Variants in TJP1 observed in about 807,000 individuals in gnomAD.
TJP1 encodes the protein tight junction protein ZO-1.
A neutral mutation model predicts 194.2 loss-of-function variants in TJP1; 43 were observed. The ratio of observed to expected loss-of-function variants is 0.22; its 90% CI spans 0.17 to 0.29. The LOEUF (loss-of-function observed/expected upper bound fraction) is 0.29. Ranked by LOEUF, TJP1 falls within the 10% of genes least tolerant of loss-of-function variation. The pLI is 1.00. For synonymous variants in TJP1, 801 were observed against 779.0 expected (o/e 1.03, Z -0.47); for missense variants, 1,971 against 2,185.7 (o/e 0.90, Z 1.96).
chr15:29,710,086 C>T (rs2042144189), intron 24 of TJP1, among the ~76,000 whole-genome samples: 1 of 151,726 alleles, frequency 6.6e-6, no homozygotes, highest in Admixed American at 6.6e-5. Flanking sequence ...GCAGAGGTTG[C>T]AGTGAGCTGA....
chr15:29,794,168 A>G (rs2048265309), intron 2 of TJP1, among the ~76,000 whole-genome samples: 1 of 152,050 alleles, frequency 6.6e-6, no homozygotes, highest in Non-Finnish European at 1.5e-5. Flanking sequence ...TTTTAATTCA[A>G]AAAACCAAAA....
intron 8 of TJP1, among the ~76,000 whole-genome samples, chr15:29,750,775 C>T (rs954014296): frequency 2.6e-5 from 4 of 152,222 alleles, no homozygotes; most frequent in African/African-American, 9.6e-5. Flanking sequence ...ACTACAAAAA[C>T]GGATTTATAC....
chr15:29,709,939 A>G (rs2042133164), intron 24 of TJP1, among the ~76,000 whole-genome samples: 1 of 152,168 alleles, frequency 6.6e-6, no homozygotes, highest in African/African-American at 2.4e-5. Context: ...TGAGGTCAGG[A>G]GTTCGTGACC....
rs757088973 is a variant in TJP1 at position 29,733,203 on chromosome 15, A to G, written c.1627T>C (p.Phe543Leu). Residue 543 changes from phenylalanine (F) to leucine (L), a missense_variant, in exon 13 of 28, where the codon TTC (phenylalanine) becomes CTC (leucine). Physicochemically the swap from Phe to Leu is conservative, Grantham distance 22. This residue lies in a region of TJP1 where 402 missense variants were observed against 484.2 expected (regional missense o/e 0.83). Transcript: ENST00000614355. ...TTGTACAAGGTATCCACAACACGGA[A>G]CACCTCTCCTTTGTTAAAACTAAGT... ...YGLSFNKGEV[F>L]RVVDTLYNGK... The G allele has an allele frequency of 1.2e-6, 2 of 1,614,018 alleles. No individual in the cohort carries two copies.
intron 8 of TJP1, among the ~76,000 whole-genome samples, chr15:29,744,872 T>C (rs1330640737): frequency 6.6e-6 from 1 of 152,102 alleles, no homozygotes; most frequent in Non-Finnish European, 1.5e-5. Flanking sequence ...GAAAATAATA[T>C]ATTTTTCATT....
At chr15:29,725,984 G>A (rs558496456) in intron 18 of TJP1, among the ~76,000 whole-genome samples, 15 of 152,296 alleles carry the variant, frequency 9.8e-5, no homozygotes, top group African/African-American at 3.6e-4. Flanking sequence ...CCTGAATTGA[G>A]CATGCTGAGG....
intron 1 of TJP1, among the ~76,000 whole-genome samples, chr15:29,810,745 TGAG>T (rs1364393958): frequency 6.6e-6 from 1 of 152,092 alleles, no homozygotes; most frequent in African/African-American, 2.4e-5. Context: ...GCAAAGTCCT[TGAG>T]GAGAAGAGAC....
chr15:29,800,817 T>A, intron 1 of TJP1, 115 bp from the exon 2 acceptor site: 1 of 973,994 alleles, frequency 1.0e-6, no homozygotes, highest in Non-Finnish European at 1.5e-6. Flanking sequence ...ACAGTTAATA[T>A]TAGAGACACT....
rs1046354192 is a variant in TJP1, at chr15:29,903,690, C to T, written c.306+52542G>A. ...CAATCTCCCGACCTTGTGATCCGCC[C>T]GCCTCGGCCTCCCAAAGTGCTGGGA... is the stretch of plus-strand genomic sequence containing the variant. On this transcript the variant is annotated intron_variant, in intron 2 of 28. Coordinates refer to the TJP1 transcript ENST00000356107. Among the ~76,000 whole-genome samples the T allele has an allele frequency of 7.2e-5, 11 of 152,234 alleles. 1 individual carries two copies. The South Asian group carries it at 1.2e-3, about 17-fold the overall frequency.
intron 1 of TJP1, chr15:29,820,666 C>T: frequency 1.5e-6 from 1 of 654,896 alleles, no homozygotes; most frequent in Non-Finnish European, 2.8e-6. Context: ...GGAAACAAAG[C>T]CTTTCCTCCT....
intron 2 of TJP1, among the ~76,000 whole-genome samples, chr15:29,884,166 T>C (rs1395643455): frequency 6.6e-6 from 1 of 152,186 alleles, no homozygotes; most frequent in Non-Finnish European, 1.5e-5. Context: ...GAACTCACAA[T>C]AGAAAAAATA....
intron 23 of TJP1, among the ~76,000 whole-genome samples, chr15:29,713,481 T>C (rs1432444843): frequency 1.3e-5 from 2 of 152,248 alleles, no homozygotes; most frequent in African/African-American, 4.8e-5. Context: ...ATTCTCACCA[T>C]TTCTGAGGTG....
chr15:29,934,285 T>C (rs1020849949), intron 2 of TJP1, among the ~76,000 whole-genome samples: 1 of 152,246 alleles, frequency 6.6e-6, no homozygotes, highest in Admixed American at 6.5e-5. Flanking sequence ...CTACCTGTAC[T>C]GAATGTTTCT....
At chr15:29,937,622 A>G (rs1400036601) in intron 2 of TJP1, among the ~76,000 whole-genome samples, 2 of 152,208 alleles carry the variant, frequency 1.3e-5, no homozygotes, top group Non-Finnish European at 2.9e-5. Flanking sequence ...CAAGTATCCA[A>G]CCTAAAGCAG....
intron 2 of TJP1, among the ~76,000 whole-genome samples, chr15:29,949,513 C>T (rs2055496206): frequency 5.6e-5 from 8 of 143,336 alleles, no homozygotes; most frequent in East Asian, 2.2e-4. Context: ...CCACCACCTC[C>T]ACCTCCACCA....
chr15:29,788,726 T>C (rs2047871229), intron 2 of TJP1, among the ~76,000 whole-genome samples: 1 of 152,242 alleles, frequency 6.6e-6, no homozygotes, highest in Non-Finnish European at 1.5e-5. Flanking sequence ...TTTAATCTTT[T>C]ACATAATTCT....
intron 1 of TJP1, among the ~76,000 whole-genome samples, chr15:29,807,921 T>C (rs2049219327): frequency 6.6e-6 from 1 of 152,178 alleles, no homozygotes; most frequent in Non-Finnish European, 1.5e-5. Context: ...AACACATGAA[T>C]TTCATAATCC....
Position 29,701,673 on chromosome 15 carries a change from C to A in TJP1, c.5229G>T (p.Trp1743Cys). 3 of 1,613,904 alleles carry A rather than the reference C, an allele frequency of 1.9e-6. No individual in the cohort carries two copies. Among genetic ancestry groups the A allele is most frequent in the Non-Finnish European group, 2.5e-6 (3 of 1,179,890 alleles). The change falls in exon 28 of 28, where the codon TGG becomes TGT. Residue 1743 changes from tryptophan to cysteine, a missense_variant. Trp to Cys is a radical substitution (Grantham distance 215, BLOSUM62 -2). Transcript: ENST00000614355. ...GATCTCCGGGAAGACACTTGTTTTG[C>A]CAGGTTTTAGGATCACCTATGAGAG... ...SDSSSGDPKT[W>C]QNKCLPGDPN...
At chr15:29,753,384 T>G (rs1193145546) in intron 8 of TJP1, among the ~76,000 whole-genome samples, 1 of 146,590 alleles carries the variant, frequency 6.8e-6, no homozygotes, top group African/African-American at 2.6e-5. Context: ...CTCAGGAGGC[T>G]GAGGCAGGAG....
Sources: gnomAD v4.1 joint callset for allele counts (sites outside exome capture counted in the v4.1 genomes callset) on GRCh38, gnomAD v4.1.1 for gene constraint, gnomAD v4.1.1 regional missense constraint, MANE v1.5 for transcripts, NCBI Gene and HGNC (gene_info 2026-07-23, HGNC 2026-07-21) for gene names.